The following GABRG3 variants were observed in gnomAD, a reference collection of about 807,000 sequenced individuals.
The protein encoded by GABRG3 is gamma-aminobutyric acid receptor subunit gamma-3.
In GABRG3, 25 loss-of-function variants were observed where a neutral mutation model predicts 48.8. The observed-to-expected ratio is 0.51, with a 90% CI of 0.37 to 0.72. The LOEUF (loss-of-function observed/expected upper bound fraction) is 0.72. GABRG3 is among the 30% of genes least tolerant of loss of function. The pLI, the probability that GABRG3 is intolerant of heterozygous loss-of-function variation, is 0.00. For missense variants in GABRG3, 394 were observed against 577.9 expected (o/e 0.68, Z 3.26); for synonymous variants, 227 against 217.6 (o/e 1.04, Z -0.38).
At chr15:27,528,463 A>G (rs188260082) in intron 9 of GABRG3, among the ~76,000 whole-genome samples, 10 of 152,298 alleles carry the variant, frequency 6.6e-5, no homozygotes, top group African/African-American at 1.7e-4. Context: ...CACATTTTTC[A>G]CTTGCATTTA....
intron 5 of GABRG3, among the ~76,000 whole-genome samples, chr15:27,466,098 G>T (rs8038788): frequency 0.38 from 58,135 of 152,080 alleles, 14,502 homozygotes; most frequent in African/African-American, 0.7. Context: ...TATTTCATAA[G>T]GAAAAACACT....
intron 5 of GABRG3, among the ~76,000 whole-genome samples, chr15:27,330,585 C>T (rs965052725): frequency 1.3e-5 from 2 of 152,138 alleles, no homozygotes; most frequent in South Asian, 4.1e-4. Context: ...GTGCTCAGTT[C>T]CAGGAGGGGA....
intron 3 of GABRG3, among the ~76,000 whole-genome samples, chr15:27,029,024 A>T (rs114464915): frequency 0.013 from 2,044 of 152,226 alleles, 40 homozygotes; most frequent in African/African-American, 0.047. Context: ...CATCCTGCTC[A>T]TCTGGAGGCT....
At position 27,179,734 on chromosome 15, in the gene GABRG3, A is replaced by G. The variant is rs955693482; in HGVS notation, c.271-147075A>G. Among the ~76,000 whole-genome samples, 4 of 152,090 alleles carry G rather than the reference A, an allele frequency of 2.6e-5. No homozygotes were observed. Among genetic ancestry groups the G allele is most frequent in the African/African-American group, 9.7e-5 (4 of 41,394 alleles). On this transcript the variant is annotated intron_variant, in intron 3 of 9. Transcript: ENST00000615808. The surrounding 1 kb of genome is among the most constrained non-coding windows in gnomAD (Gnocchi z 4.0). ...GTTGCCATCTGTTCTGTGTCTTTTC[A>G]TGGTGTGAATTTTGAATGCTGTGGG...
intron 2 of GABRG3, among the ~76,000 whole-genome samples, chr15:27,023,720 A>T (rs1397114985): frequency 6.6e-6 from 1 of 152,210 alleles, no homozygotes; most frequent in Non-Finnish European, 1.5e-5. Context: ...GTCGATGAGC[A>T]CTTGAACTGT....
At chr15:27,434,997 G>A (rs1286792713) in intron 5 of GABRG3, among the ~76,000 whole-genome samples, 5 of 151,870 alleles carry the variant, frequency 3.3e-5, no homozygotes, top group Non-Finnish European at 7.4e-5. Flanking sequence ...AGCTGTTCAC[G>A]CAACATGCCA....
At chr15:27,031,754 A>T (rs962823322) in intron 3 of GABRG3, among the ~76,000 whole-genome samples, 12 of 152,212 alleles carry the variant, frequency 7.9e-5, no homozygotes, top group African/African-American at 2.7e-4. Context: ...CCAAGTCCTG[A>T]TTAGGGCCTG....
intron 3 of GABRG3, among the ~76,000 whole-genome samples, chr15:27,053,446 C>T (rs1042948615): frequency 2.0e-5 from 3 of 152,190 alleles, no homozygotes; most frequent in Non-Finnish European, 2.9e-5. Context: ...CACCATCTCA[C>T]GCCAGTCAGA....
intron 3 of GABRG3, among the ~76,000 whole-genome samples, chr15:27,218,889 G>A (rs1031778251): frequency 2.6e-5 from 4 of 152,072 alleles, no homozygotes; most frequent in Non-Finnish European, 5.9e-5. Context: ...ATTCACACAC[G>A]GAGAGGAAGT....
intron 5 of GABRG3, among the ~76,000 whole-genome samples, chr15:27,359,410 T>C (rs1289424900): frequency 2.0e-5 from 3 of 152,242 alleles, no homozygotes; most frequent in East Asian, 3.8e-4. Context: ...TTTAGTATTT[T>C]CCACAATGGT....
chr15:27,430,415 T>C (rs1394830912), intron 5 of GABRG3, among the ~76,000 whole-genome samples: 1 of 152,230 alleles, frequency 6.6e-6, no homozygotes, highest in East Asian at 1.9e-4. Context: ...TAAAAATAAT[T>C]TGACCTTTTT....
At chr15:27,489,585 G>A (rs1047465356) in intron 6 of GABRG3, among the ~76,000 whole-genome samples, 1 of 152,030 alleles carries the variant, frequency 6.6e-6, no homozygotes, top group Non-Finnish European at 1.5e-5. Context: ...GACATGAGAG[G>A]GTATCTCATT....
intron 5 of GABRG3, chr15:27,364,471 C>T (rs943193488): frequency 8.5e-5 from 13 of 152,160 alleles, no homozygotes; most frequent in African/African-American, 2.4e-4. Flanking sequence ...CAGGATGGCA[C>T]GTTGAAACAT....
In GABRG3 at chr15:27,534,533, A is replaced by C. The variant is rs953660626; in HGVS notation, c.*1652A>C. Reference sequence around the variant, plus strand: ...TGAAACCAGAATCTCTGTGCTTCTCATCTTTCTCACATAGAAAACTGAATT... The same window carrying C: ...TGAAACCAGAATCTCTGTGCTTCTCCTCTTTCTCACATAGAAAACTGAATT... On this transcript the variant is annotated 3_prime_UTR_variant, in exon 10 of 10. Coordinates refer to ENST00000615808, the MANE Select transcript of GABRG3 (RefSeq NM_033223.5). The C allele has an allele frequency of 2.6e-5, 4 of 152,218 alleles. No individual in the cohort carries two copies. The highest frequency in any genetic ancestry group is 7.2e-5 in the African/African-American group (3 of 41,456). The allele number at this position is 152,218 out of a possible 1,614,324, so 9.4% of individuals were successfully genotyped here.
intron 5 of GABRG3, among the ~76,000 whole-genome samples, chr15:27,342,673 G>A (rs989132371): frequency 8.5e-5 from 13 of 152,220 alleles, no homozygotes; most frequent in African/African-American, 9.6e-5. Context: ...TATTGTGGAC[G>A]TTATTCGAAA....
intron 3 of GABRG3, chr15:27,271,738 C>A: frequency 2.4e-6 from 1 of 422,388 alleles, no homozygotes; most frequent in Non-Finnish European, 4.8e-6. Flanking sequence ...AGAGCCAATG[C>A]ACCTTAGATC....
At chr15:27,182,566 T>C (rs968127227) in intron 3 of GABRG3, among the ~76,000 whole-genome samples, 2 of 152,100 alleles carry the variant, frequency 1.3e-5, no homozygotes, top group African/African-American at 4.8e-5. Context: ...CCGCTCCTGG[T>C]CTATAAAATG....
In GABRG3 at chr15:27,477,384, C is replaced by T. The variant is rs557913773; in HGVS notation, c.575-3266C>T. 1.8e-4 allele frequency among the ~76,000 whole-genome samples: 27 copies of T among 151,976 alleles called. 1 individual carries two copies. Among genetic ancestry groups the T allele is most frequent in the Middle Eastern group, 6.8e-3 (2 of 294 alleles). The stretch of plus-strand genomic sequence containing the variant: ...GTCTAGAAAAGAAAAACCATGGAGA[C>T]GGTAAAAGGATCAGTAGTTGCTGCA... On this transcript the variant is annotated intron_variant, in intron 5 of 9. Transcript: ENST00000615808.
intron 3 of GABRG3, among the ~76,000 whole-genome samples, chr15:27,071,091 G>A (rs937288053): frequency 2.0e-5 from 3 of 152,140 alleles, no homozygotes; most frequent in Non-Finnish European, 2.9e-5. Flanking sequence ...GGGCTCCCTC[G>A]TATCCTAGGC....
Sources: allele counts gnomAD v4.1 joint callset (sites outside exome capture counted in the v4.1 genomes callset), GRCh38; gene constraint gnomAD v4.1.1; non-coding constraint Gnocchi (gnomAD v3.1); transcripts MANE v1.5; gene names NCBI Gene and HGNC (gene_info 2026-07-23, HGNC 2026-07-21).